Variants in EPHB1 observed in about 807,000 individuals in gnomAD.
EPHB1 encodes EPH receptor B1.
A neutral mutation model predicts 94.4 loss-of-function variants in EPHB1; 30 were observed. The ratio of observed to expected loss-of-function variants is 0.32; its 90% CI spans 0.24 to 0.43. The LOEUF (loss-of-function observed/expected upper bound fraction) is 0.43. Among genes scored for constraint, EPHB1 ranks in the 20% least tolerant of loss-of-function variants. The pLI is 1.00. For synonymous variants in EPHB1, 522 were observed against 489.1 expected (o/e 1.07, Z -0.89); for missense variants, 1,055 against 1,308.3 (o/e 0.81, Z 2.99).
chr3:134,926,612 T>C (rs919898281), intron 2 of EPHB1, among the ~76,000 whole-genome samples: 7 of 152,064 alleles, frequency 4.6e-5, no homozygotes, highest in African/African-American at 7.2e-5. Flanking sequence ...AGAGTCTGTG[T>C]GTATGGAAGA....
chr3:135,194,953 C>T (rs1316514263), intron 11 of EPHB1, among the ~76,000 whole-genome samples: 1 of 152,206 alleles, frequency 6.6e-6, no homozygotes, highest in African/African-American at 2.4e-5. Flanking sequence ...ACTGTCCTTG[C>T]TGCCACACCT....
In EPHB1 at chr3:134,796,039, C is replaced by T. The variant is rs2035819515; in HGVS notation, c.58+350C>T. On this transcript the variant is annotated intron_variant, in intron 1 of 15. Transcript: ENST00000398015. ...GCTCTGGGGCAGAGCCAGAGCTGGGCGTTGGGGAGAAAGGGGTGCCTCTGG... is the reference window on the plus strand; with the variant it reads ...GCTCTGGGGCAGAGCCAGAGCTGGGTGTTGGGGAGAAAGGGGTGCCTCTGG... 6 of 349,444 alleles carry T rather than the reference C, an allele frequency of 1.7e-5. No individual in the cohort carries two copies. In the South Asian group the frequency reaches 2.1e-4, roughly 12 times the overall value. 21.6% of individuals were successfully genotyped at this position (349,444 alleles called of 1,614,324 possible). A position where few individuals can be genotyped will look rare whatever the true frequency, so the allele number is the denominator to read the frequency against.
intron 3 of EPHB1, among the ~76,000 whole-genome samples, chr3:135,034,342 C>T (rs528038137): frequency 2.0e-5 from 3 of 152,276 alleles, no homozygotes; most frequent in African/African-American, 4.8e-5. Context: ...ATGCACCTCC[C>T]GTTCAGGGAG....
intron 3 of EPHB1, among the ~76,000 whole-genome samples, chr3:135,098,765 A>C (rs973709037): frequency 3.3e-5 from 5 of 152,168 alleles, no homozygotes; most frequent in African/African-American, 4.8e-5. Flanking sequence ...TAATCCCAAC[A>C]CTTTGGGAAG....
chr3:135,039,644 A>C (rs1280677199), intron 3 of EPHB1, among the ~76,000 whole-genome samples: 1 of 152,204 alleles, frequency 6.6e-6, no homozygotes, highest in Non-Finnish European at 1.5e-5. Flanking sequence ...TGGTGGACTC[A>C]GTACACCCTC....
At chr3:135,152,534 G>A (rs144503894) in intron 5 of EPHB1, among the ~76,000 whole-genome samples, 340 of 152,284 alleles carry the variant, frequency 2.2e-3, no homozygotes, top group African/African-American at 7.6e-3. Context: ...GGAGTCAGAG[G>A]AGGCTGGGAA....
intron 1 of EPHB1, among the ~76,000 whole-genome samples, chr3:134,917,963 A>G (rs2038606780): frequency 6.6e-6 from 1 of 152,222 alleles, no homozygotes; most frequent in African/African-American, 2.4e-5. Flanking sequence ...TTTGTTGTAC[A>G]TTAGTGTTTT....
rs368647532 is a variant in EPHB1, at chr3:135,031,584, A to G, written c.806-74864A>G. ...CTGGATCTCCCAAATTGCCGGGGTT[A>G]TAGGCATGAGCCACTGCATCCAGCT... On this transcript the variant is annotated intron_variant, in intron 3 of 15. Coordinates refer to ENST00000398015, the MANE Select transcript of EPHB1 (RefSeq NM_004441.5). 9.2e-5 allele frequency among the ~76,000 whole-genome samples: 14 copies of G among 152,360 alleles called. No homozygotes were observed. The East Asian group carries it at 2.3e-3, about 25-fold the overall frequency.
At chr3:135,219,275 G>T (rs953861820) in intron 12 of EPHB1, among the ~76,000 whole-genome samples, 1 of 152,108 alleles carries the variant, frequency 6.6e-6, no homozygotes, top group African/African-American at 2.4e-5. Flanking sequence ...AGATACATTG[G>T]AGTCCTTACC....
chr3:135,202,463 C>A (rs544124804), intron 12 of EPHB1, among the ~76,000 whole-genome samples: 1 of 152,166 alleles, frequency 6.6e-6, no homozygotes, highest in South Asian at 2.1e-4. Flanking sequence ...ATCTCTACTG[C>A]CCCCACCCTA....
chr3:135,108,203 A>G (rs186480886), intron 4 of EPHB1, among the ~76,000 whole-genome samples: 4 of 152,288 alleles, frequency 2.6e-5, no homozygotes, highest in Admixed American at 6.5e-5. Flanking sequence ...TAAATGGATT[A>G]TATCAGTAGT....
At chr3:135,257,901 G>A (rs1016315993) in intron 15 of EPHB1, among the ~76,000 whole-genome samples, 1 of 151,316 alleles carries the variant, frequency 6.6e-6, no homozygotes, top group African/African-American at 2.4e-5. Context: ...CCAGGTGTGG[G>A]ATATAATCTC....
At chr3:134,929,007 C>T (rs4955518) in intron 2 of EPHB1, among the ~76,000 whole-genome samples, 10,495 of 152,108 alleles carry the variant, frequency 0.069, 684 homozygotes, top group Admixed American at 0.21. Flanking sequence ...TTCAGAGGGG[C>T]CCAGCACAGG....
In EPHB1 at chr3:135,256,780, G is replaced by C. The variant is rs1405038396; in HGVS notation, c.2847-2232G>C. Among the ~76,000 whole-genome samples, 4 of 152,042 alleles carry C rather than the reference G, an allele frequency of 2.6e-5. No homozygotes were observed. In the East Asian group the frequency reaches 7.7e-4, roughly 29 times the overall value. On this transcript the variant is annotated intron_variant, in intron 15 of 15. Coordinates refer to ENST00000398015, the MANE Select transcript of EPHB1 (RefSeq NM_004441.5). ...CGTTGGCCTGCCTTGCCAGATTGGG[G>C]AAGTTCTCCTGGATAATATCCTGCA... is the stretch of plus-strand genomic sequence containing the variant.
intron 1 of EPHB1, among the ~76,000 whole-genome samples, chr3:134,865,831 A>G (rs968068651): frequency 2.0e-5 from 3 of 152,210 alleles, no homozygotes; most frequent in Non-Finnish European, 2.9e-5. Context: ...ATTAGGTTCA[A>G]CCATTTGAAA....
chr3:135,093,163 G>A (rs773893715), intron 3 of EPHB1, among the ~76,000 whole-genome samples: 1 of 152,226 alleles, frequency 6.6e-6, no homozygotes, highest in Non-Finnish European at 1.5e-5. Flanking sequence ...TCTATAAAAG[G>A]AAAAGAGCTC....
chr3:134,936,830 C>T (rs2039012924), intron 2 of EPHB1, among the ~76,000 whole-genome samples: 1 of 152,180 alleles, frequency 6.6e-6, no homozygotes, highest in African/African-American at 2.4e-5. Flanking sequence ...TCTGTGTTTG[C>T]CTTTAGGTGC....
intron 3 of EPHB1, among the ~76,000 whole-genome samples, chr3:134,984,449 A>C (rs1934521382): frequency 6.6e-6 from 1 of 152,238 alleles, no homozygotes; most frequent in African/African-American, 2.4e-5. Context: ...AGGAAGAATA[A>C]AAGCCAGGAT....
chr3:135,128,494 A>G (rs1576411098), intron 4 of EPHB1, among the ~76,000 whole-genome samples: 1 of 152,176 alleles, frequency 6.6e-6, no homozygotes, highest in African/African-American at 2.4e-5. Context: ...CGGCACAGAC[A>G]CCTGGGGCCA....
Sources: gnomAD v4.1 joint callset for allele counts (sites outside exome capture counted in the v4.1 genomes callset) on GRCh38, gnomAD v4.1.1 for gene constraint, MANE v1.5 for transcripts, NCBI Gene and HGNC (gene_info 2026-07-23, HGNC 2026-07-21) for gene names.